SEC24C: variants seen among roughly 807,000 people sequenced by gnomAD.
The protein encoded by SEC24C is protein transport protein Sec24C.
In SEC24C, 22 loss-of-function variants were observed where a neutral mutation model predicts 117.0. That is an observed-to-expected ratio of 0.19 (90% CI 0.13 to 0.27). The LOEUF (loss-of-function observed/expected upper bound fraction) is 0.27, where lower values mean the gene tolerates loss of function less well. Among genes scored for constraint, SEC24C ranks in the 10% least tolerant of loss-of-function variants. The probability of loss-of-function intolerance (pLI) is 1.00; values close to 1 mark genes in which losing one functional copy is unlikely to be tolerated. For synonymous variants in SEC24C, 506 were observed against 529.4 expected (o/e 0.96, Z 0.61); for missense variants, 1,155 against 1,375.1 (o/e 0.84, Z 2.53).
At position 73,745,671 on chromosome 10, in the gene SEC24C, T is replaced by C. The variant is rs553094067; in HGVS notation, c.-28-1134T>C. 2.6e-5 allele frequency among the ~76,000 whole-genome samples: 4 copies of C among 151,798 alleles called. No homozygotes were observed. In the South Asian group the frequency reaches 8.3e-4, roughly 32 times the overall value. ...TCAAGCGATTTCTCCTGCCTCAGCCTCCCAAGTAGCTGGGATTACAGGCGT... is the reference window on the plus strand; with the variant it reads ...TCAAGCGATTTCTCCTGCCTCAGCCCCCCAAGTAGCTGGGATTACAGGCGT... On this transcript the variant is annotated intron_variant, in intron 1 of 22. Transcript: ENST00000345254.
At chr10:73,747,099 T>C in intron 2 of SEC24C, 95 bp downstream of exon 2, 1 of 1,203,356 alleles carries the variant, frequency 8.3e-7, no homozygotes, top group Non-Finnish European at 1.1e-6. Flanking sequence ...ACCTGAGAAG[T>C]TTGGATAACT....
intron 1 of SEC24C, among the ~76,000 whole-genome samples, chr10:73,745,709 C>T (rs577421105): frequency 6.6e-6 from 1 of 151,786 alleles, no homozygotes; most frequent in Admixed American, 6.5e-5. Context: ...GCCACCATGC[C>T]CGGCTAGTTT....
Position 73,766,451 on chromosome 10 carries a change from T to G in SEC24C, c.1709T>G (p.Met570Arg). 6.2e-7 allele frequency: 1 copy of G among 1,614,134 alleles called. No homozygotes were observed. Among genetic ancestry groups the G allele is most frequent in the Non-Finnish European group, 8.5e-7 (1 of 1,180,012 alleles). Residue 570 changes from methionine to arginine, a missense_variant, in exon 12 of 23, where the codon ATG becomes AGG. Around this residue, in one of 2 missense-constraint regions of SEC24C, gnomAD observed 759 missense variants for 992.3 expected, o/e 0.76. Coordinates refer to ENST00000345254, the MANE Select transcript of SEC24C (RefSeq NM_198597.3). The part of the protein sequence containing the change: ...NVKSSLAQPQ[M>R]MVVSDVADMF... ...AAGAGCTCATTGGCCCAGCCACAGA[T>G]GATGGTTGTGTCTGATGTGGCTGAC...
Position 73,760,143 on chromosome 10 carries a change from C to T in SEC24C, c.607C>T (p.Gln203Ter). The T allele has an allele frequency of 6.2e-7, 1 of 1,614,148 alleles. No individual in the cohort carries two copies. Among genetic ancestry groups the T allele is most frequent in the Non-Finnish European group, 8.5e-7 (1 of 1,180,012 alleles). The change falls in exon 5 of 23, where the codon CAG (glutamine) becomes TAG (stop). Residue 203 changes from glutamine to a stop codon, truncating the protein, a stop_gained. Coordinates refer to ENST00000345254, the MANE Select transcript of SEC24C (RefSeq NM_198597.3). LOFTEE classifies it high-confidence loss of function. ...AQGHPGIQTPQRSAPSQASSF... is the reference protein window; with the variant it reads ...AQGHPGIQTP ...AGGTCATCCTGGGATCCAGACTCCC[C>T]AGCGATCTGCCCCATCACAGGCCTC...
intron 2 of SEC24C, 145 bp downstream of exon 2, chr10:73,747,149 G>A (rs2082567153): frequency 3.3e-6 from 2 of 614,604 alleles, no homozygotes; most frequent in African/African-American, 1.9e-5. Context: ...GTAGCTGAGA[G>A]CCCCGTGGGC....
chr10:73,759,969 G>A (rs749240173), intron 4 of SEC24C, 49 bp from the exon 5 acceptor site: 3 of 1,522,222 alleles, frequency 2.0e-6, no homozygotes, highest in Non-Finnish European at 2.6e-6. Flanking sequence ...TACCGAACAA[G>A]GAGGCAGAAT....
chr10:73,754,322 G>A (rs1200098338), intron 3 of SEC24C, among the ~76,000 whole-genome samples: 1 of 152,174 alleles, frequency 6.6e-6, no homozygotes, highest in Non-Finnish European at 1.5e-5. Flanking sequence ...GGCTGAGGCA[G>A]GAGAATCGCT....
intron 2 of SEC24C, among the ~76,000 whole-genome samples, 169 bp downstream of exon 2, chr10:73,747,173 C>CT (rs1449192857): frequency 2.0e-5 from 3 of 152,162 alleles, no homozygotes; most frequent in Non-Finnish European, 4.4e-5. Flanking sequence ...CTTCCCTTCC[C>CT]TTTTTTTATT....
At chr10:73,745,471 C>A (rs1184504571) in intron 1 of SEC24C, among the ~76,000 whole-genome samples, 1 of 151,904 alleles carries the variant, frequency 6.6e-6, no homozygotes, top group Non-Finnish European at 1.5e-5. Context: ...ACTGTTTCCT[C>A]AGATTATGTG....
intron 15 of SEC24C, among the ~76,000 whole-genome samples, chr10:73,768,571 T>G (rs2082920634): frequency 6.6e-6 from 1 of 152,222 alleles, no homozygotes; most frequent in African/African-American, 2.4e-5. Context: ...CAAAATGGTG[T>G]TAAAATACTT....
chr10:73,746,724 T>G, intron 1 of SEC24C, 81 bp from the exon 2 acceptor site: 1 of 919,276 alleles, frequency 1.1e-6, no homozygotes, highest in Non-Finnish European at 1.6e-6. Flanking sequence ...AAGGTCAATT[T>G]CTTTTTATCT....
Position 73,767,068 on chromosome 10 carries a change from A to G in SEC24C, c.1908A>G (p.Ala636=), listed in dbSNP as rs1274362681. 2.5e-6 allele frequency: 4 copies of G among 1,613,496 alleles called. No homozygotes were observed. The African/African-American group carries it at 4.0e-5, about 16-fold the overall frequency. Residue 636 remains alanine, a synonymous_variant, in exon 14 of 23, where the codon GCA becomes GCG. Transcript: ENST00000345254. The part of the protein sequence containing the change: ...GMEALKAAEC[A]GKLFLFHTSL... The stretch of plus-strand genomic sequence containing the variant: ...TTTTTTCCTAGGCTGCTGAGTGTGC[A>G]GGGAAGCTCTTTCTATTCCATACAT...
chr10:73,747,016 T>C lies in SEC24C; in HGVS notation c.172+12T>C. 1.9e-6 allele frequency: 3 copies of C among 1,608,740 alleles called. No individual in the cohort carries two copies. The highest frequency in any genetic ancestry group is 1.1e-5 in the South Asian group (1 of 90,026). ...AACACCTCCCCAAGGTATGTTTCTG[T>C]TTCTGTTTCCTTTGAGCTAGGGAGG... On this transcript the variant is annotated intron_variant, in intron 2 of 22. Transcript: ENST00000345254.
At chr10:73,745,966 C>A (rs2082542817) in intron 1 of SEC24C, among the ~76,000 whole-genome samples, 1 of 151,674 alleles carries the variant, frequency 6.6e-6, no homozygotes, top group South Asian at 2.1e-4. Context: ...TCGAGACCAG[C>A]CTGGCTAACA....
chr10:73,747,708 G>A (rs1460065348), intron 2 of SEC24C, among the ~76,000 whole-genome samples: 2 of 141,158 alleles, frequency 1.4e-5, no homozygotes, highest in Non-Finnish European at 3.0e-5. Context: ...TGCCCAGGCT[G>A]TAGTGCAGTG....
chr10:73,763,227 AGGG>A (rs1333290256), intron 6 of SEC24C, among the ~76,000 whole-genome samples: 1 of 152,086 alleles, frequency 6.6e-6, no homozygotes, highest in East Asian at 1.9e-4. Context: ...GATGGGGGGT[AGGG>A]GGCAATTCAT....
intron 3 of SEC24C, among the ~76,000 whole-genome samples, chr10:73,756,131 C>A (rs1284059493): frequency 6.6e-6 from 1 of 152,106 alleles, no homozygotes; most frequent in East Asian, 1.9e-4. Flanking sequence ...GGATTACAGG[C>A]ATGGGCCACT....
intron 13 of SEC24C, 65 bp downstream of exon 13, chr10:73,766,918 G>C: frequency 6.7e-7 from 1 of 1,486,190 alleles, no homozygotes; most frequent in Non-Finnish European, 9.4e-7. Context: ...TATCCCCTGG[G>C]ATACAACCTC....
intron 3 of SEC24C, among the ~76,000 whole-genome samples, chr10:73,756,528 T>C (rs989569347): frequency 6.6e-6 from 1 of 152,220 alleles, no homozygotes. Context: ...GATGGTTGCA[T>C]AACTAAATTT....
Sources: allele counts gnomAD v4.1 joint callset (sites outside exome capture counted in the v4.1 genomes callset), GRCh38; gene constraint gnomAD v4.1.1; regional missense constraint gnomAD v4.1.1; transcripts MANE v1.5; gene names NCBI Gene and HGNC (gene_info 2026-07-23, HGNC 2026-07-21).